Variants in TTC1 observed in about 807,000 individuals in gnomAD.
TTC1 encodes the protein tetratricopeptide repeat domain 1.
In TTC1, 31 loss-of-function variants were observed where a neutral mutation model predicts 37.6. The ratio of observed to expected loss-of-function variants is 0.82; its 90% confidence interval spans 0.62 to 1.11. TTC1 has a LOEUF of 1.11. Among genes scored for constraint, TTC1 ranks in the 50% most tolerant of loss-of-function variants. TTC1 has a pLI of 0.00. For missense variants in TTC1, 351 were observed against 339.0 expected (o/e 1.04, Z -0.28); for synonymous variants, 127 against 122.4 (o/e 1.04, Z -0.25).
chr5:160,062,810 T>A (rs1753462636), intron 7 of TTC1, among the ~76,000 whole-genome samples: 1 of 152,112 alleles, frequency 6.6e-6, no homozygotes, highest in Non-Finnish European at 1.5e-5. Flanking sequence ...TTTGATGGTT[T>A]TTTTTTTCCC....
At chr5:160,046,921 A>G (rs1039047189) in intron 5 of TTC1, among the ~76,000 whole-genome samples, 2 of 152,202 alleles carry the variant, frequency 1.3e-5, no homozygotes, top group African/African-American at 4.8e-5. Context: ...CTGAGGCAGG[A>G]GAATCACTTG....
chr5:160,023,255 CAAAA>C (rs113727015), intron 2 of TTC1, among the ~76,000 whole-genome samples: 2 of 110,014 alleles, frequency 1.8e-5, no homozygotes, highest in East Asian at 2.5e-4. Flanking sequence ...AACACTGTCT[CAAAA>C]AAAAAAAAAA....
chr5:160,031,507 G>A (rs574359351), intron 2 of TTC1, among the ~76,000 whole-genome samples: 15 of 152,038 alleles, frequency 9.9e-5, no homozygotes, highest in South Asian at 2.1e-4. Flanking sequence ...ACAGCTACTC[G>A]GGAGGCTGAG....
intron 3 of TTC1, 131 bp downstream of exon 3, chr5:160,035,331 A>G: frequency 3.2e-6 from 2 of 626,196 alleles, no homozygotes; most frequent in Non-Finnish European, 4.9e-6. Context: ...GTTGCTTCCC[A>G]GTACCTTGGC....
chr5:160,023,286 TTTTC>T (rs1431068544), intron 2 of TTC1, among the ~76,000 whole-genome samples: 1 of 149,320 alleles, frequency 6.7e-6, no homozygotes, highest in Non-Finnish European at 1.5e-5. Flanking sequence ...GCAAAATTGG[TTTTC>T]TTTCTTTTTT....
At chr5:160,043,046 T>G in intron 4 of TTC1, 87 bp from the exon 5 acceptor site, 2 of 1,338,572 alleles carry the variant, frequency 1.5e-6, no homozygotes, top group Non-Finnish European at 2.1e-6. Flanking sequence ...CCATAAGCAG[T>G]TATTAGTGAT....
At chr5:160,011,832 C>T (rs1284437683) in intron 2 of TTC1, among the ~76,000 whole-genome samples, 4 of 152,128 alleles carry the variant, frequency 2.6e-5, no homozygotes, top group Non-Finnish European at 5.9e-5. Context: ...AAGGAGCTCA[C>T]TCACTGAACA....
At chr5:160,064,645 C>T (rs1753544962) in intron 7 of TTC1, among the ~76,000 whole-genome samples, 1 of 152,098 alleles carries the variant, frequency 6.6e-6, no homozygotes, top group African/African-American at 2.4e-5. Context: ...ATAGCACTGG[C>T]CAGTTAGGAC....
intron 3 of TTC1, among the ~76,000 whole-genome samples, chr5:160,035,415 T>C (rs36052783): frequency 0.13 from 19,671 of 152,270 alleles, 1,659 homozygotes; most frequent in Non-Finnish European, 0.18. Context: ...GGCACATGCA[T>C]AGTCTTTCTG....
At chr5:160,010,922 C>G in intron 2 of TTC1, 64 bp downstream of exon 2, 3 of 1,443,268 alleles carry the variant, frequency 2.1e-6, no homozygotes, top group Admixed American at 3.9e-5. Context: ...GTGGTCGATA[C>G]TGTATCATAG....
intron 4 of TTC1, 80 bp downstream of exon 4, chr5:160,036,883 A>ATG: frequency 3.0e-6 from 3 of 994,694 alleles, no homozygotes; most frequent in Non-Finnish European, 4.6e-6. Context: ...TCCAGAAACT[A>ATG]GCATAGAGGT....
At chr5:160,050,205 T>C (rs1757364747) in intron 6 of TTC1, among the ~76,000 whole-genome samples, 1 of 152,152 alleles carries the variant, frequency 6.6e-6, no homozygotes, top group African/African-American at 2.4e-5. Flanking sequence ...CCCAGCACTT[T>C]GGGAGGCCGA....
At chr5:160,049,826 C>T (rs1268303197) in intron 6 of TTC1, among the ~76,000 whole-genome samples, 164 bp downstream of exon 6, 1 of 152,076 alleles carries the variant, frequency 6.6e-6, no homozygotes, top group Non-Finnish European at 1.5e-5. Context: ...GCCTGTAATC[C>T]CAGCACTTTA....
intron 2 of TTC1, chr5:160,024,135 A>G: frequency 3.2e-6 from 2 of 620,316 alleles, no homozygotes; most frequent in East Asian, 2.7e-5. Flanking sequence ...GTGCCTACAC[A>G]TTCTGTGCCA....
intron 4 of TTC1, among the ~76,000 whole-genome samples, chr5:160,040,945 A>AT (rs200685241): frequency 9.0e-4 from 131 of 145,324 alleles, no homozygotes; most frequent in South Asian, 1.5e-3. Flanking sequence ...CTATTAAATA[A>AT]TTTTTTTTTT....
intron 7 of TTC1, 73 bp downstream of exon 7, chr5:160,051,256 G>A (rs1757397461): frequency 1.6e-6 from 2 of 1,241,716 alleles, no homozygotes; most frequent in African/African-American, 1.5e-5. Context: ...GAATACTAGA[G>A]GAGAACACAT....
chr5:160,034,886 A>C (rs1756976078), intron 2 of TTC1, among the ~76,000 whole-genome samples: 1 of 152,230 alleles, frequency 6.6e-6, no homozygotes, highest in Non-Finnish European at 1.5e-5. Flanking sequence ...CAAAAGATAG[A>C]AACATAGAAA....
intron 1 of TTC1, 24 bp downstream of exon 1, chr5:160,009,217 C>A (rs919707060): frequency 1.3e-5 from 2 of 152,186 alleles, no homozygotes; most frequent in African/African-American, 4.8e-5. Context: ...TGGGTCTAAG[C>A]GTGTTGGCTG....
intron 5 of TTC1, among the ~76,000 whole-genome samples, chr5:160,047,160 A>C (rs967013736): frequency 6.6e-6 from 1 of 152,098 alleles, no homozygotes; most frequent in African/African-American, 2.4e-5. Context: ...TTCAACTCTG[A>C]CTTCTACCCT....
Sources: gnomAD v4.1 joint callset for allele counts (sites outside exome capture counted in the v4.1 genomes callset) on GRCh38, gnomAD v4.1.1 for gene constraint, MANE v1.5 for transcripts, NCBI Gene and HGNC (gene_info 2026-07-23, HGNC 2026-07-21) for gene names.